SBNO1: variants seen among roughly 807,000 people sequenced by gnomAD.
SBNO1 encodes strawberry notch homolog 1.
SBNO1 carries 23 observed loss-of-function variants against 173.6 expected under a neutral mutation model. The observed-to-expected ratio is 0.13, with a 90% confidence interval of 0.10 to 0.19. SBNO1 has a LOEUF of 0.19. Ranked by LOEUF, SBNO1 falls within the 10% of genes least tolerant of loss-of-function variation. The pLI is 1.00. For synonymous variants in SBNO1, 632 were observed against 571.5 expected, an observed-to-expected ratio of 1.11 and a Z score of -1.51; for missense variants, 1,238 against 1,671.2, an observed-to-expected ratio of 0.74 and a Z score of 4.52.
rs2048585591 is a variant in SBNO1 at position 123,295,962 on chromosome 12, T to C, written c.4128A>G (p.Lys1376=). Residue 1376 remains lysine (K), a synonymous_variant, in exon 32 of 32, where the codon AAA becomes AAG. Coordinates refer to ENST00000602398, the MANE Select transcript of SBNO1 (RefSeq NM_001167856.3). ...GAGGGTGATGCTGTTGCCATAGCTG[T>C]TTCTGTTGGACCGCAAGCTGTTGAG... ...DQSQQLAVQQ[K]QLWQQHHPQS... The C allele has an allele frequency of 3.1e-6, 5 of 1,613,704 alleles. No individual in the cohort carries two copies. The highest frequency in any genetic ancestry group is 4.2e-6 in the Non-Finnish European group (5 of 1,179,576).
intron 19 of SBNO1, 131 bp downstream of exon 19, chr12:123,320,301 G>T: frequency 2.2e-6 from 2 of 920,666 alleles, no homozygotes; most frequent in Non-Finnish European, 3.3e-6. Context: ...GATGTAGGAT[G>T]GCAACTAAAG....
Position 123,294,634 on chromosome 12 carries a change from CAAAAAAAAAAAAAAAAAA to C in SBNO1, c.*1256_*1273del, listed in dbSNP as rs143013489. On this transcript the variant is annotated 3_prime_UTR_variant, in exon 32 of 32. Transcript: ENST00000602398. ...TTTTCAATAGTGCAACCTGTGGAAG[CAAAAAAAAAAAAAAAAAA>C]AAAAAAAAAGAAAAAAAGAAAAGAA... 1 of 59,958 alleles carries C rather than the reference CAAAAAAAAAAAAAAAAAA, an allele frequency of 1.7e-5. No individual in the cohort carries two copies. The highest frequency in any genetic ancestry group is 2.7e-5 in the Non-Finnish European group (1 of 36,860). 3.7% of individuals were successfully genotyped at this position (59,958 alleles called of 1,614,324 possible). A position where few individuals can be genotyped will look rare whatever the true frequency, so the allele number is the denominator to read the frequency against.
At chr12:123,298,276 T>C in intron 30 of SBNO1, 105 bp from the exon 31 acceptor site, 1 of 1,187,260 alleles carries the variant, frequency 8.4e-7, no homozygotes, top group Non-Finnish European at 1.2e-6. Context: ...TTTTCTTTTT[T>C]TTTTGTTGAG....
At chr12:123,346,905 C>T (rs542209308) in intron 3 of SBNO1, among the ~76,000 whole-genome samples, 1 of 151,656 alleles carries the variant, frequency 6.6e-6, no homozygotes, top group Non-Finnish European at 1.5e-5. Flanking sequence ...TGGTAAAACC[C>T]TGTCTCTACT....
intron 30 of SBNO1, 88 bp from the exon 31 acceptor site, chr12:123,298,259 TCTTTTC>T: frequency 8.9e-7 from 1 of 1,121,844 alleles, no homozygotes; most frequent in Non-Finnish European, 1.2e-6. Flanking sequence ...AACTCAAATT[TCTTTTC>T]TTTTCTTTTT....
intron 4 of SBNO1, among the ~76,000 whole-genome samples, chr12:123,342,436 T>G (rs10773013): frequency 0.95 from 144,905 of 152,112 alleles, 69,149 homozygotes; most frequent in Non-Finnish European, 0.96. Flanking sequence ...GGGCGACAGA[T>G]CAAGACTCTC....
intron 1 of SBNO1, among the ~76,000 whole-genome samples, chr12:123,354,760 GT>G (rs1874243746): frequency 6.6e-6 from 1 of 152,152 alleles, no homozygotes. Context: ...AGAGAACTGT[GT>G]TAGTGTGTCT....
At chr12:123,313,517 A>T (rs1489505993) in intron 24 of SBNO1, 103 bp downstream of exon 24, 2 of 622,540 alleles carry the variant, frequency 3.2e-6, no homozygotes, top group Non-Finnish European at 5.5e-6. Context: ...TATACAATTT[A>T]TGTCCAAAGA....
Position 123,309,792 on chromosome 12 carries a change from C to G in SBNO1, c.3360G>C (p.Ala1120=). The G allele has an allele frequency of 6.2e-7, 1 of 1,612,302 alleles. No individual in the cohort carries two copies. The highest frequency in any genetic ancestry group is 2.2e-5 in the East Asian group (1 of 44,872). ...ILGMEVHQQN[A]LFQYFADTLT... is the part of the protein sequence containing the mutation. ...GTGTGTCCGCAAAATACTGAAATAA[C>G]GCATTCTGCTGATGCACCTCCATGC... The change falls in exon 26 of 32, where the codon GCG becomes GCC. Residue 1120 remains alanine (A), a synonymous_variant. Transcript: ENST00000602398.
At chr12:123,361,023 A>C (rs1593428512) in intron 1 of SBNO1, among the ~76,000 whole-genome samples, 1 of 152,138 alleles carries the variant, frequency 6.6e-6, no homozygotes, top group African/African-American at 2.4e-5. Context: ...AGGCAGGCGG[A>C]TCACGAGATC....
chr12:123,347,332 T>C (rs1873309549), intron 3 of SBNO1, among the ~76,000 whole-genome samples: 1 of 150,118 alleles, frequency 6.7e-6, no homozygotes, highest in Non-Finnish European at 1.5e-5. Context: ...GTACATGCCA[T>C]TCTCCTGCCT....
intron 3 of SBNO1, among the ~76,000 whole-genome samples, chr12:123,347,022 G>A (rs1019523968): frequency 2.7e-5 from 4 of 147,336 alleles, no homozygotes; most frequent in Admixed American, 2.1e-4. Flanking sequence ...AGGTTGCAGC[G>A]AGCCGAGATG....
Position 123,302,989 on chromosome 12 carries a change from A to G in SBNO1, c.3769-89T>C, listed in dbSNP as rs976066975. On this transcript the variant is annotated intron_variant, in intron 29 of 31. Transcript: ENST00000602398. The stretch of plus-strand genomic sequence containing the variant: ...TGGTCTGTAATTCTAGAGGTAGCCA[A>G]TTTAAAATAATCTCTACACAAAAAG... 6 of 938,378 alleles carry G rather than the reference A, an allele frequency of 6.4e-6. No homozygotes were observed. In the African/African-American group the frequency reaches 8.2e-5, roughly 13 times the overall value. 58.1% of individuals were successfully genotyped at this position (938,378 alleles called of 1,614,324 possible). A position where few individuals can be genotyped will look rare whatever the true frequency, so the allele number is the denominator to read the frequency against.
At chr12:123,317,662 G>A (rs1869444170) in intron 20 of SBNO1, among the ~76,000 whole-genome samples, 1 of 152,066 alleles carries the variant, frequency 6.6e-6, no homozygotes, top group African/African-American at 2.4e-5. Context: ...CAGGTATCTT[G>A]GAATACAAAG....
chr12:123,345,097 T>C (rs1368799996), intron 4 of SBNO1, among the ~76,000 whole-genome samples, 161 bp downstream of exon 4: 2 of 152,302 alleles, frequency 1.3e-5, no homozygotes, highest in East Asian at 3.9e-4. Flanking sequence ...ATCTAAACTT[T>C]TGCTTCCCTT....
At chr12:123,311,745 T>TATATATAC (rs1566027839) in intron 24 of SBNO1, among the ~76,000 whole-genome samples, 9 of 142,728 alleles carry the variant, frequency 6.3e-5, no homozygotes, top group African/African-American at 2.3e-4. Flanking sequence ...TATATATATA[T>TATATATAC]ATATTTTTGC....
chr12:123,321,490 T>C, intron 17 of SBNO1, 45 bp downstream of exon 17: 1 of 1,348,366 alleles, frequency 7.4e-7, no homozygotes, highest in Non-Finnish European at 1.1e-6. Context: ...TCAAATATAC[T>C]GAAATATTAT....
At chr12:123,364,003 T>C in intron 1 of SBNO1, 3 of 985,432 alleles carry the variant, frequency 3.0e-6, no homozygotes, top group Non-Finnish European at 3.6e-6. Flanking sequence ...CCAAACGCTC[T>C]CAAAGTAAGC....
At chr12:123,350,277 C>A in intron 2 of SBNO1, 33 bp downstream of exon 2, 1 of 1,609,886 alleles carries the variant, frequency 6.2e-7, no homozygotes, top group Non-Finnish European at 8.5e-7. Context: ...AAGCGGAAAT[C>A]ACTAAGAAAG....
Sources: gnomAD v4.1 joint callset for allele counts (sites outside exome capture counted in the v4.1 genomes callset) on GRCh38, gnomAD v4.1.1 for gene constraint, MANE v1.5 for transcripts, NCBI Gene and HGNC (gene_info 2026-07-23, HGNC 2026-07-21) for gene names.